Variants in SNTG1 observed in about 807,000 individuals in gnomAD.
SNTG1 encodes gamma-1-syntrophin.
A neutral mutation model predicts 74.7 loss-of-function variants in SNTG1; 39 were observed. The ratio of observed to expected loss-of-function variants is 0.52; its 90% CI spans 0.40 to 0.68. The LOEUF is 0.68. Among genes scored for constraint, SNTG1 ranks in the 30% least tolerant of loss-of-function variants. SNTG1 has a pLI of 0.00. For missense variants in SNTG1, 685 were observed against 609.5 expected (o/e 1.12, Z -1.30); for synonymous variants, 254 against 217.1 (o/e 1.17, Z -1.49).
intron 1 of SNTG1, among the ~76,000 whole-genome samples, chr8:50,107,610 G>T (rs189946995): frequency 6.6e-6 from 1 of 151,980 alleles, no homozygotes; most frequent in African/African-American, 2.4e-5. Context: ...GAGTGGAGTG[G>T]CATGATCTTG....
At chr8:50,182,814 T>C (rs998340805) in intron 2 of SNTG1, among the ~76,000 whole-genome samples, 2 of 152,098 alleles carry the variant, frequency 1.3e-5, no homozygotes, top group African/African-American at 4.8e-5. Context: ...CTGCATCCCA[T>C]ATCACTCCTC....
At chr8:50,599,311 C>G (rs1175810585) in intron 13 of SNTG1, among the ~76,000 whole-genome samples, 1 of 151,748 alleles carries the variant, frequency 6.6e-6, no homozygotes, top group Non-Finnish European at 1.5e-5. Flanking sequence ...CTCTAGTTTT[C>G]TTCTTTTTGC....
At chr8:50,016,182 C>CT (rs1816297786) in intron 1 of SNTG1, among the ~76,000 whole-genome samples, 1 of 152,112 alleles carries the variant, frequency 6.6e-6, no homozygotes, top group Non-Finnish European at 1.5e-5. Context: ...TGCTTTGAAG[C>CT]TTCTTCTCAA....
intron 13 of SNTG1, among the ~76,000 whole-genome samples, chr8:50,625,436 C>T (rs899293063): frequency 1.3e-5 from 2 of 152,198 alleles, no homozygotes; most frequent in Admixed American, 6.5e-5. Flanking sequence ...TACTGATCAA[C>T]TTGGTTTAAC....
chr8:50,004,118 T>A (rs1272193146), intron 1 of SNTG1, among the ~76,000 whole-genome samples: 1 of 152,130 alleles, frequency 6.6e-6, no homozygotes, highest in Admixed American at 6.6e-5. Context: ...GCCTGAGTTA[T>A]ATGAACCTAC....
At chr8:50,732,945 A>G (rs1362040532) in intron 17 of SNTG1, among the ~76,000 whole-genome samples, 1 of 151,894 alleles carries the variant, frequency 6.6e-6, no homozygotes, top group Non-Finnish European at 1.5e-5. Context: ...ATTTTTTTCA[A>G]CTTTTATTTT....
At chr8:50,551,728 T>A (rs1252822725) in intron 11 of SNTG1, among the ~76,000 whole-genome samples, 2 of 152,210 alleles carry the variant, frequency 1.3e-5, no homozygotes, top group African/African-American at 4.8e-5. Context: ...AGATGGACAA[T>A]AGTTATACTT....
intron 1 of SNTG1, among the ~76,000 whole-genome samples, chr8:50,091,395 C>T (rs755765417): frequency 6.6e-6 from 1 of 151,950 alleles, no homozygotes; most frequent in Non-Finnish European, 1.5e-5. Flanking sequence ...TACATTAAGT[C>T]TCTAGATTAT....
intron 1 of SNTG1, among the ~76,000 whole-genome samples, chr8:50,070,846 T>C (rs1821303270): frequency 1.3e-5 from 2 of 152,210 alleles, no homozygotes; most frequent in Admixed American, 6.5e-5. Flanking sequence ...TTGGTCAAAA[T>C]GTGTCCAGTT....
At chr8:50,060,265 A>G (rs931780837) in intron 1 of SNTG1, among the ~76,000 whole-genome samples, 11 of 152,220 alleles carry the variant, frequency 7.2e-5, no homozygotes, top group African/African-American at 2.6e-4. Context: ...CAAGTGCCTT[A>G]TCAGATAAAG....
chr8:50,146,502 A>C (rs975998512), intron 1 of SNTG1, among the ~76,000 whole-genome samples: 1 of 152,136 alleles, frequency 6.6e-6, no homozygotes, highest in Non-Finnish European at 1.5e-5. Context: ...TGGGCAACAA[A>C]AGTGAAACTC....
chr8:50,069,051 T>C (rs1821132386), intron 1 of SNTG1, among the ~76,000 whole-genome samples: 1 of 152,232 alleles, frequency 6.6e-6, no homozygotes, highest in Admixed American at 6.5e-5. Context: ...AGACAGTTGA[T>C]AATTGTCACT....
Position 50,617,447 on chromosome 8 carries a change from T to G in SNTG1, c.849+26530T>G, listed in dbSNP as rs76136939. 1.4e-4 allele frequency among the ~76,000 whole-genome samples: 21 copies of G among 151,284 alleles called. No individual in the cohort carries two copies. In the East Asian group the frequency reaches 3.9e-3, roughly 28 times the overall value. ...CGAAAAACAAGAAAAATAATAAAAA[T>G]GTGCTCCACTGGGAAAGCTAAGCTG... is the stretch of plus-strand genomic sequence containing the variant. On this transcript the variant is annotated intron_variant, in intron 13 of 18. Transcript: ENST00000642720.
intron 1 of SNTG1, among the ~76,000 whole-genome samples, chr8:50,024,768 ACC>A (rs1323741433): frequency 1.3e-5 from 2 of 152,130 alleles, no homozygotes; most frequent in African/African-American, 4.8e-5. Flanking sequence ...TACCGTACTC[ACC>A]CTCCTCCTAC....
chr8:50,269,416 A>G (rs1021980643), intron 2 of SNTG1, among the ~76,000 whole-genome samples: 1 of 152,166 alleles, frequency 6.6e-6, no homozygotes, highest in Non-Finnish European at 1.5e-5. Context: ...TTACTGTCAT[A>G]ATTATGGTCA....
rs560020057 is a variant in SNTG1, at chr8:50,321,125, G to A, written c.-27-73087G>A. On this transcript the variant is annotated intron_variant, in intron 2 of 18. Coordinates refer to ENST00000642720, the MANE Select transcript of SNTG1 (RefSeq NM_018967.5). ...CTGAATAATCAGTCCAATGTTGAAA[G>A]TGAGGTGTTGAAGTATCCAGCTATT... Among the ~76,000 whole-genome samples, 5 of 152,194 alleles carry A rather than the reference G, an allele frequency of 3.3e-5. No homozygotes were observed. In the East Asian group the frequency reaches 9.7e-4, roughly 29 times the overall value.
At chr8:50,450,502 A>G in intron 6 of SNTG1, 54 bp from the exon 7 acceptor site, 1 of 1,570,350 alleles carries the variant, frequency 6.4e-7, no homozygotes, top group Non-Finnish European at 8.7e-7. Flanking sequence ...AAGTCCTTTC[A>G]TCTGCATAAC....
At chr8:50,714,269 C>T (rs946867259) in intron 17 of SNTG1, among the ~76,000 whole-genome samples, 21 of 152,062 alleles carry the variant, frequency 1.4e-4, no homozygotes, top group African/African-American at 4.1e-4. Context: ...TCAGGTAGCA[C>T]GATGCCTCCA....
chr8:50,024,428 A>C (rs1434608839), intron 1 of SNTG1, among the ~76,000 whole-genome samples: 1 of 152,202 alleles, frequency 6.6e-6, no homozygotes, highest in Admixed American at 6.6e-5. Flanking sequence ...GATTTCTTTT[A>C]GGAAACTTAT....
Sources: gnomAD v4.1 joint callset for allele counts (sites outside exome capture counted in the v4.1 genomes callset) on GRCh38, gnomAD v4.1.1 for gene constraint, MANE v1.5 for transcripts, NCBI Gene and HGNC (gene_info 2026-07-23, HGNC 2026-07-21) for gene names.